Variants in CNGA3 observed in about 807,000 individuals in gnomAD.
CNGA3 encodes cyclic nucleotide-gated channel alpha-3.
Under a neutral mutation model 46.6 loss-of-function variants are expected in CNGA3, and 42 were observed. That is an observed-to-expected ratio of 0.90 (90% CI 0.70 to 1.17). The LOEUF (loss-of-function observed/expected upper bound fraction) is 1.17. CNGA3 is among the 50% of genes most tolerant of loss of function. The probability of loss-of-function intolerance (pLI) is 0.00; values close to 1 mark genes in which losing one functional copy is unlikely to be tolerated. For missense variants in CNGA3, 893 were observed against 890.7 expected (o/e 1.00, Z -0.03); for synonymous variants, 394 against 369.4 (o/e 1.07, Z -0.76).
Position 98,381,568 on chromosome 2 carries a change from G to T in CNGA3, c.395+1214G>T, listed in dbSNP as rs187003909. Among the ~76,000 whole-genome samples, 13 of 152,304 alleles carry T rather than the reference G, an allele frequency of 8.5e-5. No individual in the cohort carries two copies. The South Asian group carries it at 2.3e-3, about 27-fold the overall frequency. ...TGTCATAGATGATGCAGGGGATGGC[G>T]AACGGCACGGGCATTTTTAAGATGG... On this transcript the variant is annotated intron_variant, in intron 4 of 7. Transcript: ENST00000272602.
chr2:98,357,364 T>A (rs1691907214), intron 1 of CNGA3, among the ~76,000 whole-genome samples: 2 of 152,138 alleles, frequency 1.3e-5, no homozygotes. Context: ...ACTGTAATGG[T>A]AAATGTTGAA....
At chr2:98,363,247 T>A (rs1692074216) in intron 1 of CNGA3, among the ~76,000 whole-genome samples, 2 of 152,216 alleles carry the variant, frequency 1.3e-5, no homozygotes, top group Non-Finnish European at 2.9e-5. Context: ...TCGGGAAGTA[T>A]GGCCATTTTC....
chr2:98,363,155 G>A (rs1473175611), intron 1 of CNGA3, among the ~76,000 whole-genome samples: 4 of 152,158 alleles, frequency 2.6e-5, no homozygotes, highest in Non-Finnish European at 5.9e-5. Flanking sequence ...GTTTCCATAT[G>A]AATTTTAAAG....
rs146596320 is a variant in CNGA3 at position 98,362,473 on chromosome 2, A to G, written c.-37-7466A>G. 6.3e-3 allele frequency among the ~76,000 whole-genome samples: 948 copies of G among 150,376 alleles called. 4 individuals carry two copies. Among genetic ancestry groups the G allele is most frequent in the Non-Finnish European group, 0.01 (710 of 67,684 alleles). Reference sequence around the variant, plus strand: ...TGGGATTACAGATGTGAACCACTACACCCGGCCTGCCCACTTTTTAATGTT... The same window carrying G: ...TGGGATTACAGATGTGAACCACTACGCCCGGCCTGCCCACTTTTTAATGTT... On this transcript the variant is annotated intron_variant, in intron 1 of 7. Coordinates refer to ENST00000272602, the MANE Select transcript of CNGA3 (RefSeq NM_001298.3).
chr2:98,379,705 C>A (rs1558812647), intron 3 of CNGA3, among the ~76,000 whole-genome samples: 1 of 152,242 alleles, frequency 6.6e-6, no homozygotes, highest in Non-Finnish European at 1.5e-5. Flanking sequence ...TTAAGCCTTG[C>A]TGTATCAGAT....
At chr2:98,393,663 C>T (rs1223441028) in intron 7 of CNGA3, among the ~76,000 whole-genome samples, 1 of 152,192 alleles carries the variant, frequency 6.6e-6, no homozygotes, top group Non-Finnish European at 1.5e-5. Flanking sequence ...GGTCCCTGGT[C>T]TCAGCCCAGC....
intron 4 of CNGA3, 46 bp from the exon 5 acceptor site, chr2:98,383,342 T>C (rs1692578798): frequency 3.1e-6 from 5 of 1,592,408 alleles, no homozygotes; most frequent in Non-Finnish European, 4.3e-6. Flanking sequence ...CCCCAAGGAA[T>C]GGAAACAGAG....
intron 6 of CNGA3, among the ~76,000 whole-genome samples, chr2:98,390,439 G>A (rs936330556): frequency 6.6e-6 from 1 of 152,022 alleles, no homozygotes; most frequent in African/African-American, 2.4e-5. Context: ...GTGAGCCACT[G>A]CTCCCGGCCT....
chr2:98,379,191 A>G (rs1692482309), intron 3 of CNGA3, among the ~76,000 whole-genome samples: 1 of 152,244 alleles, frequency 6.6e-6, no homozygotes, highest in Non-Finnish European at 1.5e-5. Context: ...CAGCAGCTGT[A>G]AGCATCTGCC....
intron 1 of CNGA3, among the ~76,000 whole-genome samples, chr2:98,354,145 T>C (rs1184791232): frequency 6.6e-6 from 1 of 152,252 alleles, no homozygotes; most frequent in Non-Finnish European, 1.5e-5. Flanking sequence ...TAGTACCTAA[T>C]ACAGTGTAAA....
intron 7 of CNGA3, 39 bp from the exon 8 acceptor site, chr2:98,395,805 G>A (rs1365348209): frequency 6.3e-7 from 1 of 1,590,140 alleles, no homozygotes; most frequent in Non-Finnish European, 8.6e-7. Flanking sequence ...AAAAAAGTCA[G>A]CCTCTGTGAT....
intron 1 of CNGA3, among the ~76,000 whole-genome samples, chr2:98,356,527 C>T (rs764217597): frequency 1.3e-4 from 20 of 152,150 alleles, no homozygotes; most frequent in Non-Finnish European, 2.8e-4. Flanking sequence ...ACCCGCCAAA[C>T]CCTGGCTGAA....
Position 98,396,115 on chromosome 2 carries a change from C to T in CNGA3, c.945C>T (p.His315=), listed in dbSNP as rs375921760. 1.9e-6 allele frequency: 3 copies of T among 1,614,126 alleles called. No homozygotes were observed. In the African/African-American group the frequency reaches 4.0e-5, roughly 22 times the overall value. The change falls in exon 8 of 8, where the codon CAC becomes CAT. Residue 315 remains histidine, a synonymous_variant. Transcript: ENST00000272602. ...TCTTGTACATTCTCATCATCATCCA[C>T]TGGAATGCCTGCATCTACTTTGCCA... ...NLVLYILIII[H]WNACIYFAIS...
At chr2:98,354,233 G>T (rs1384809651) in intron 1 of CNGA3, among the ~76,000 whole-genome samples, 1 of 151,762 alleles carries the variant, frequency 6.6e-6, no homozygotes, top group Non-Finnish European at 1.5e-5. Context: ...TTATTGTTTT[G>T]GTTTTTTTCA....
intron 1 of CNGA3, among the ~76,000 whole-genome samples, chr2:98,360,701 G>A (rs1692012477): frequency 6.6e-6 from 1 of 152,162 alleles, no homozygotes; most frequent in South Asian, 2.1e-4. Context: ...TGAGGCCGGG[G>A]GGAGGTGGGA....
chr2:98,396,101 C>A lies in CNGA3; in HGVS notation c.931C>A (p.Leu311Ile), dbSNP rs1290229054. The A allele has an allele frequency of 6.2e-7, 1 of 1,614,124 alleles. No homozygotes were observed. Among genetic ancestry groups the A allele is most frequent in the East Asian group, 2.2e-5 (1 of 44,898 alleles). ...FRIGNLVLYI[L>I]IIIHWNACIY... ...GATTGGGAACTTGGTCTTGTACATT[C>A]TCATCATCATCCACTGGAATGCCTG... Residue 311 changes from leucine to isoleucine, a missense_variant, in exon 8 of 8, where the codon CTC becomes ATC. Transcript: ENST00000272602.
intron 1 of CNGA3, among the ~76,000 whole-genome samples, chr2:98,349,288 A>T (rs1446409633): frequency 2.6e-5 from 4 of 152,124 alleles, no homozygotes; most frequent in Non-Finnish European, 4.4e-5. Context: ...CAAATGTACA[A>T]TACACATAAG....
Position 98,350,355 on chromosome 2 carries a change from C to T in CNGA3, c.-38+3821C>T, listed in dbSNP as rs1691746190. Among the ~76,000 whole-genome samples the T allele has an allele frequency of 2.6e-5, 4 of 152,176 alleles. No individual in the cohort carries two copies. The South Asian group carries it at 8.3e-4, about 32-fold the overall frequency. ...GTTAGATATGGACATCTTATTACCT[C>T]CTTATAAAATAAAAGCAATGTGTTA... On this transcript the variant is annotated intron_variant, in intron 1 of 7. Transcript: ENST00000272602.
chr2:98,398,026 G>C lies in CNGA3; in HGVS notation c.*771G>C, dbSNP rs1455525502. On this transcript the variant is annotated 3_prime_UTR_variant, in exon 8 of 8. Transcript: ENST00000272602. ...CCCTATCCTCCATTCTTGAGTCAGGGCCCTAGGTGACCTATTCTAACTCAA... is the reference window on the plus strand; with the variant it reads ...CCCTATCCTCCATTCTTGAGTCAGGCCCCTAGGTGACCTATTCTAACTCAA... The C allele has an allele frequency of 6.5e-6, 1 of 152,718 alleles. No homozygotes were observed. Among genetic ancestry groups the C allele is most frequent in the Non-Finnish European group, 1.5e-5 (1 of 68,442 alleles). The allele number at this position is 152,718 out of a possible 1,614,324, so 9.5% of individuals were successfully genotyped here. A position where few individuals can be genotyped will look rare whatever the true frequency, so the allele number is the denominator to read the frequency against.
Sources: gnomAD v4.1 joint callset for allele counts (sites outside exome capture counted in the v4.1 genomes callset) on GRCh38, gnomAD v4.1.1 for gene constraint, MANE v1.5 for transcripts, NCBI Gene and HGNC (gene_info 2026-07-23, HGNC 2026-07-21) for gene names.